Variants in ROS1 observed in about 807,000 individuals in gnomAD.
The protein encoded by ROS1 is proto-oncogene tyrosine-protein kinase ROS.
A neutral mutation model predicts 273.5 loss-of-function variants in ROS1; 263 were observed. The observed-to-expected ratio is 0.96, with a 90% CI of 0.87 to 1.06. ROS1 has a LOEUF of 1.06. ROS1 is among the 50% of genes least tolerant of loss of function. ROS1 has a pLI of 0.00. For synonymous variants in ROS1, 1,008 were observed against 954.1 expected (o/e 1.06, Z -1.04); for missense variants, 2,833 against 2,751.1 (o/e 1.03, Z -0.67).
In ROS1 at chr6:117,300,964, T is replaced by G; in HGVS notation, c.6715+10A>C. ...GCGAAAACTAGAAAATTCTGAAGAA[T>G]CAAACTTACCTTCAAAGCTTTCATT... On this transcript the variant is annotated intron_variant, in intron 43 of 43. Transcript: ENST00000368507. 1 of 1,544,048 alleles carries G rather than the reference T, an allele frequency of 6.5e-7. No individual in the cohort carries two copies. The highest frequency in any genetic ancestry group is 8.7e-7 in the Non-Finnish European group (1 of 1,150,438).
chr6:117,328,373 G>A (rs2128589633), intron 33 of ROS1: 1 of 281,694 alleles, frequency 3.5e-6, no homozygotes, highest in Non-Finnish European at 6.8e-6. Context: ...AACCTGATGT[G>A]TGACCTGATT....
Position 117,326,400 on chromosome 6 carries a change from T to C in ROS1, c.5363A>G (p.Asn1788Ser). The C allele has an allele frequency of 6.5e-7, 1 of 1,545,728 alleles. No homozygotes were observed. Among genetic ancestry groups the C allele is most frequent in the Non-Finnish European group, 8.7e-7 (1 of 1,152,586 alleles). ...YILEIRKSTS[N>S]NLQNQNLRWK... ...CCTTAAATTCTGGTTCTGTAAATTA[T>C]TTGAAGTGCTCTTTCTGCAAAAAAT... The change falls in exon 34 of 44, where the codon AAT becomes AGT. Residue 1788 changes from asparagine to serine, a missense_variant. By Grantham distance (46) the Asn-to-Ser change is conservative. Coordinates refer to ENST00000368507, the MANE Select transcript of ROS1 (RefSeq NM_001378902.1).
At chr6:117,370,133 G>A (rs548490806) in intron 18 of ROS1, among the ~76,000 whole-genome samples, 1 of 152,156 alleles carries the variant, frequency 6.6e-6, no homozygotes, top group Admixed American at 6.5e-5. Flanking sequence ...CCATGACTTG[G>A]AGTTTTTCTA....
At chr6:117,366,039 A>G (rs777157404) in intron 19 of ROS1, 37 bp downstream of exon 19, 1 of 1,459,652 alleles carries the variant, frequency 6.9e-7, no homozygotes, top group South Asian at 1.1e-5. Flanking sequence ...AACTGAAGGT[A>G]TAGTGGAGTA....
chr6:117,362,089 T>C (rs1779847417), intron 22 of ROS1, among the ~76,000 whole-genome samples: 1 of 152,000 alleles, frequency 6.6e-6, no homozygotes. Context: ...ATACAGAAAT[T>C]AAAATCATGA....
At chr6:117,353,260 G>T in intron 26 of ROS1, 94 bp from the exon 27 acceptor site, 5 of 835,288 alleles carry the variant, frequency 6.0e-6, no homozygotes, top group Non-Finnish European at 8.8e-6. Context: ...TATTATAATT[G>T]CTAAATTTTG....
At chr6:117,381,317 C>A (rs1403630010) in intron 17 of ROS1, among the ~76,000 whole-genome samples, 1 of 151,340 alleles carries the variant, frequency 6.6e-6, no homozygotes, top group Non-Finnish European at 1.5e-5. Flanking sequence ...GCTGAGATTT[C>A]AGTGCACCAG....
Position 117,337,344 on chromosome 6 carries a change from G to GAA in ROS1, c.5062-6_5062-5dup. 6.3e-7 allele frequency: 1 copy of GAA among 1,582,692 alleles called. No homozygotes were observed. Among genetic ancestry groups the GAA allele is most frequent in the African/African-American group, 1.4e-5 (1 of 72,938 alleles). On this transcript the variant is annotated splice_polypyrimidine_tract_variant and splice_region_variant and intron_variant, in intron 31 of 43. Coordinates refer to ENST00000368507, the MANE Select transcript of ROS1 (RefSeq NM_001378902.1). ...GGTAAAACTCATTGTATTTCCACTAGAAAAAGAAGTCTCGATTAATATTTT... is the reference window on the plus strand; with the variant it reads ...GGTAAAACTCATTGTATTTCCACTAGAAAAAAAGAAGTCTCGATTAATATTTT...
intron 42 of ROS1, among the ~76,000 whole-genome samples, chr6:117,308,345 T>C (rs1661732891): frequency 6.6e-6 from 1 of 152,098 alleles, no homozygotes; most frequent in South Asian, 2.1e-4. Context: ...TATTAGTCAA[T>C]GTCAGCTATA....
Position 117,326,248 on chromosome 6 carries a change from T to C in ROS1, c.5515A>G (p.Ser1839Gly), listed in dbSNP as rs1163897006. 6.3e-7 allele frequency: 1 copy of C among 1,599,636 alleles called. No homozygotes were observed. ...CCTCCAACTAATATAATATTCTCAC[T>C]GATTCCACTATATTCACCAAACCCT... ...NLGFGEYSGI[S>G]ENIILVGDDF... Residue 1839 changes from serine to glycine, a missense_variant, in exon 34 of 44, where the codon AGT becomes GGT. Coordinates refer to ENST00000368507, the MANE Select transcript of ROS1 (RefSeq NM_001378902.1).
intron 32 of ROS1, among the ~76,000 whole-genome samples, chr6:117,330,806 A>G (rs1777026790): frequency 6.6e-6 from 1 of 152,048 alleles, no homozygotes; most frequent in African/African-American, 2.4e-5. Flanking sequence ...AACAACAACA[A>G]CAAGGGCCCC....
chr6:117,310,106 T>G lies in ROS1; in HGVS notation c.6391A>C (p.Ile2131Leu), dbSNP rs1158125322. 2 of 1,613,266 alleles carry G rather than the reference T, an allele frequency of 1.2e-6. No individual in the cohort carries two copies. The highest frequency in any genetic ancestry group is 1.7e-6 in the Non-Finnish European group (2 of 1,179,506). ...CATACATCAGATTGAGTAGTGAAGA[T>G]TCCATCCATCAAACTTTCTGGAGCC... ...WMAPESLMDG[I>L]FTTQSDVWSF... Residue 2131 changes from isoleucine to leucine, a missense_variant, in exon 41 of 44, where the codon ATC becomes CTC. Coordinates refer to ENST00000368507, the MANE Select transcript of ROS1 (RefSeq NM_001378902.1).
intron 36 of ROS1, among the ~76,000 whole-genome samples, chr6:117,320,934 C>T (rs1665489989): frequency 6.6e-6 from 1 of 152,130 alleles, no homozygotes; most frequent in South Asian, 2.1e-4. Flanking sequence ...AACTCCTCTC[C>T]TCTCAAACAC....
At position 117,344,213 on chromosome 6, in the gene ROS1, A is replaced by G. The variant is rs566681389; in HGVS notation, c.4353T>C (p.Leu1451=). The G allele has an allele frequency of 6.8e-6, 11 of 1,614,088 alleles. No individual in the cohort carries two copies. The highest frequency in any genetic ancestry group is 1.6e-4 in the Middle Eastern group (1 of 6,062). Residue 1451 remains leucine (L), a synonymous_variant, in exon 28 of 44, where the codon CTT becomes CTC. Transcript: ENST00000368507. The part of the protein sequence containing the change: ...LASDTVEPTI[L]NATNTSLTIR... ...TTGTGAGGCTAGTGTTAGTGGCATTAAGTATAGTTGGTTCCACAGTGTCTG... is the reference window on the plus strand; with the variant it reads ...TTGTGAGGCTAGTGTTAGTGGCATTGAGTATAGTTGGTTCCACAGTGTCTG...
intron 42 of ROS1, among the ~76,000 whole-genome samples, chr6:117,308,102 A>G (rs770608778): frequency 1.3e-5 from 2 of 152,154 alleles, no homozygotes; most frequent in Non-Finnish European, 2.9e-5. Context: ...CAATTCTTGG[A>G]AAAAGTTGTC....
At chr6:117,375,250 A>C (rs1781220792) in intron 18 of ROS1, among the ~76,000 whole-genome samples, 1 of 152,204 alleles carries the variant, frequency 6.6e-6, no homozygotes, top group Admixed American at 6.5e-5. Flanking sequence ...TGAGGATGCA[A>C]AGGCATAAGA....
intron 17 of ROS1, among the ~76,000 whole-genome samples, chr6:117,380,386 T>G (rs932431638): frequency 6.6e-6 from 1 of 151,964 alleles, no homozygotes; most frequent in Non-Finnish European, 1.5e-5. Flanking sequence ...GCCTTCTATC[T>G]TCAGGAAAAT....
At chr6:117,395,866 G>A (rs1384096142) in intron 9 of ROS1, among the ~76,000 whole-genome samples, 1 of 151,976 alleles carries the variant, frequency 6.6e-6, no homozygotes, top group Admixed American at 6.5e-5. Context: ...AAAGTTATAT[G>A]TATCCCTTAA....
chr6:117,353,492 C>CA (rs1779050955), intron 26 of ROS1, among the ~76,000 whole-genome samples: 1 of 152,150 alleles, frequency 6.6e-6, no homozygotes, highest in African/African-American at 2.4e-5. Context: ...CTATGTGACT[C>CA]AAAATCAAAT....
Sources: gnomAD v4.1 joint callset for allele counts (sites outside exome capture counted in the v4.1 genomes callset) on GRCh38, gnomAD v4.1.1 for gene constraint, MANE v1.5 for transcripts, NCBI Gene and HGNC (gene_info 2026-07-23, HGNC 2026-07-21) for gene names.